The following DAB1 variants were observed in gnomAD, a reference collection of about 807,000 sequenced individuals.
DAB1 encodes disabled homolog 1.
A neutral mutation model predicts 64.6 loss-of-function variants in DAB1; 15 were observed. The observed-to-expected ratio is 0.23, with a 90% CI of 0.16 to 0.36. The LOEUF (loss-of-function observed/expected upper bound fraction) is 0.36, where lower values mean the gene tolerates loss of function less well. Ranked by LOEUF, DAB1 falls within the 10% of genes least tolerant of loss-of-function variation. The pLI is 1.00. For synonymous variants in DAB1, 235 were observed against 251.9 expected, an observed-to-expected ratio of 0.93 and a Z score of 0.64; for missense variants, 596 against 706.7, an observed-to-expected ratio of 0.84 and a Z score of 1.78.
At chr1:57,760,239 T>C (rs1212470045) in intron 6 of DAB1, among the ~76,000 whole-genome samples, 1 of 152,168 alleles carries the variant, frequency 6.6e-6, no homozygotes, top group East Asian at 1.9e-4. Context: ...TATGCAGGTA[T>C]GGCCTTGCCA....
At chr1:57,606,969 T>C (rs1479410389) in intron 7 of DAB1, among the ~76,000 whole-genome samples, 2 of 151,490 alleles carry the variant, frequency 1.3e-5, no homozygotes, top group African/African-American at 2.4e-5. Flanking sequence ...GTATTTTTAA[T>C]AGAGACGGGG....
chr1:58,262,645 A>T (rs560026109), intron 4 of DAB1, among the ~76,000 whole-genome samples: 25 of 152,328 alleles, frequency 1.6e-4, no homozygotes, highest in Middle Eastern at 6.8e-3. Flanking sequence ...CTGCAAACTG[A>T]GTATAATAAA....
intron 1 of DAB1, among the ~76,000 whole-genome samples, chr1:57,323,136 C>T (rs1280437650): frequency 2.6e-5 from 4 of 152,042 alleles, no homozygotes; most frequent in African/African-American, 9.7e-5. Flanking sequence ...CATGGATATA[C>T]CACCTAATTC....
intron 3 of DAB1, among the ~76,000 whole-genome samples, chr1:58,436,887 C>A (rs1441470620): frequency 6.6e-6 from 1 of 152,184 alleles, no homozygotes; most frequent in Non-Finnish European, 1.5e-5. Context: ...AGCCTTTGAA[C>A]CACTTCTTCT....
intron 5 of DAB1, among the ~76,000 whole-genome samples, chr1:57,946,272 T>C (rs1386714210): frequency 6.6e-6 from 1 of 152,050 alleles, no homozygotes; most frequent in Non-Finnish European, 1.5e-5. Context: ...GCACTCAGAG[T>C]GGGGCAGACA....
rs926633584 is a variant in DAB1 at position 57,069,908 on chromosome 1, C to A, written c.598-483G>T. On this transcript the variant is annotated intron_variant, in intron 7 of 14. Transcript: ENST00000371236. ...ATCCCATAAATATCACCTTATTTTG[C>A]GTTCTCACTTTTAAATACATTAAAT... is the stretch of plus-strand genomic sequence containing the variant. 9.9e-5 allele frequency among the ~76,000 whole-genome samples: 15 copies of A among 152,156 alleles called. 1 individual carries two copies. Among genetic ancestry groups the A allele is most frequent in the Non-Finnish European group, 2.1e-4 (14 of 68,034 alleles).
chr1:57,823,156 T>G (rs1652195314), downstream of DAB1, among the ~76,000 whole-genome samples: 1 of 151,956 alleles, frequency 6.6e-6, no homozygotes, highest in African/African-American at 2.4e-5. Context: ...GGCTAATTTT[T>G]GTATTTTTAG....
intron 7 of DAB1, among the ~76,000 whole-genome samples, chr1:57,644,543 ATG>A (rs1558570752): frequency 3.4e-5 from 5 of 147,362 alleles, no homozygotes; most frequent in African/African-American, 1.0e-4. Context: ...GCATGCACAT[ATG>A]TGTGTGTATG....
intron 3 of DAB1, among the ~76,000 whole-genome samples, chr1:58,454,607 A>G (rs986247545): frequency 2.0e-5 from 3 of 151,954 alleles, no homozygotes; most frequent in African/African-American, 7.3e-5. Flanking sequence ...CGAGGGCCAC[A>G]CCTCCTTGCT....
chr1:58,000,547 C>T (rs1365383724), intron 5 of DAB1, among the ~76,000 whole-genome samples: 2 of 144,868 alleles, frequency 1.4e-5, no homozygotes, highest in Admixed American at 1.4e-4. Context: ...ATTATTCTCT[C>T]TTCTCCTCTT....
intron 2 of DAB1, among the ~76,000 whole-genome samples, chr1:57,290,119 A>T (rs186403681): frequency 2.0e-5 from 3 of 152,338 alleles, no homozygotes; most frequent in Admixed American, 6.5e-5. Flanking sequence ...TTAATAAAGC[A>T]AAACACTAAC....
chr1:57,809,782 G>C (rs1651531719), intron 6 of DAB1, among the ~76,000 whole-genome samples: 1 of 152,152 alleles, frequency 6.6e-6, no homozygotes. Context: ...ATTCTAGGTG[G>C]AAGGAAGGAG....
intron 7 of DAB1, among the ~76,000 whole-genome samples, chr1:57,438,358 G>A (rs1685777751): frequency 6.6e-6 from 1 of 152,164 alleles, no homozygotes; most frequent in Non-Finnish European, 1.5e-5. Flanking sequence ...AGTGAAAATA[G>A]GGTGGGTAAG....
intron 6 of DAB1, among the ~76,000 whole-genome samples, chr1:57,702,005 G>A (rs993438214): frequency 6.6e-6 from 1 of 152,128 alleles, no homozygotes; most frequent in Non-Finnish European, 1.5e-5. Context: ...GTTGGTCAAT[G>A]GTTCCTTGCT....
At position 58,118,076 on chromosome 1, in the gene DAB1, A is replaced by AT. The variant is rs201172110; in HGVS notation, n.387+32434dup. On this transcript the variant is annotated intron_variant and non_coding_transcript_variant, in intron 5 of 20. Coordinates refer to the DAB1 transcript ENST00000485760. The stretch of plus-strand genomic sequence containing the variant: ...GTGCCACCATGCCTGCTAACTTATT[A>AT]TTTTTTTAATGTTTTGTAGAGACAA... 7.3e-3 allele frequency among the ~76,000 whole-genome samples: 1,099 copies of AT among 151,448 alleles called. 15 individuals are homozygous for AT. Among genetic ancestry groups the AT allele is most frequent in the African/African-American group, 0.025 (1,050 of 41,270 alleles).
chr1:57,442,894 C>T (rs1446209208), intron 7 of DAB1, among the ~76,000 whole-genome samples: 1 of 152,204 alleles, frequency 6.6e-6, no homozygotes, highest in Non-Finnish European at 1.5e-5. Context: ...GTAGATACAT[C>T]ATTCTGATAG....
chr1:57,435,427 T>A (rs1685661368), intron 7 of DAB1, among the ~76,000 whole-genome samples: 1 of 152,232 alleles, frequency 6.6e-6, no homozygotes, highest in Non-Finnish European at 1.5e-5. Flanking sequence ...TGAATTTTTT[T>A]AACTTTTTGG....
chr1:58,066,823 C>T (rs1053971627), intron 5 of DAB1, among the ~76,000 whole-genome samples: 1 of 152,102 alleles, frequency 6.6e-6, no homozygotes, highest in Non-Finnish European at 1.5e-5. Context: ...TTTGCCTGTC[C>T]GTTTTCCACC....
chr1:57,847,491 A>G (rs1653342273), intron 1 of DAB1, among the ~76,000 whole-genome samples: 1 of 152,204 alleles, frequency 6.6e-6, no homozygotes, highest in Non-Finnish European at 1.5e-5. Context: ...AAACTCAACC[A>G]TATGCTGCTT....
Sources: gnomAD v4.1 joint callset for allele counts (sites outside exome capture counted in the v4.1 genomes callset) on GRCh38, gnomAD v4.1.1 for gene constraint, MANE v1.5 for transcripts, NCBI Gene and HGNC (gene_info 2026-07-23, HGNC 2026-07-21) for gene names.